Variants in PCDHGA3 observed in about 807,000 individuals in gnomAD.
The protein encoded by PCDHGA3 is protocadherin gamma subfamily A, 3.
A neutral mutation model predicts 58.5 loss-of-function variants in PCDHGA3; 40 were observed. The ratio of observed to expected loss-of-function variants is 0.68; its 90% CI spans 0.53 to 0.89. The LOEUF (loss-of-function observed/expected upper bound fraction) is 0.89, where lower values mean the gene tolerates loss of function less well. Ranked by LOEUF, PCDHGA3 falls within the 40% of genes least tolerant of loss-of-function variation. The pLI, the probability that PCDHGA3 is intolerant of heterozygous loss-of-function variation, is 0.00. For synonymous variants in PCDHGA3, 530 were observed against 525.7 expected (o/e 1.01, Z -0.11); for missense variants, 1,223 against 1,195.9 (o/e 1.02, Z -0.33).
intron 2 of PCDHGA3, among the ~76,000 whole-genome samples, chr5:141,501,061 G>T (rs746369272): frequency 1.5e-4 from 23 of 152,118 alleles, no homozygotes; most frequent in Non-Finnish European, 2.1e-4. Flanking sequence ...TAGAGACGGG[G>T]TTTCACCATG....
chr5:141,352,383 C>T (rs1758995476), intron 1 of PCDHGA3: 1 of 1,613,918 alleles, frequency 6.2e-7, no homozygotes, highest in Admixed American at 1.7e-5. Context: ...CTAGCGATCG[C>T]CCTGCGCCTG....
At chr5:141,346,508 T>C in intron 1 of PCDHGA3, 51 bp downstream of exon 1, 2 of 1,608,490 alleles carry the variant, frequency 1.2e-6, no homozygotes, top group Non-Finnish European at 1.7e-6. Flanking sequence ...AGAATGTGGT[T>C]ATTATAAAGC....
At chr5:141,421,844 A>C (rs1261967247) in intron 1 of PCDHGA3, 2 of 1,613,740 alleles carry the variant, frequency 1.2e-6, no homozygotes, top group East Asian at 4.5e-5. Context: ...CGAGAGAAAG[A>C]GGCTGCTCAC....
At chr5:141,424,746 T>TTA (rs1392854638) in intron 1 of PCDHGA3, 1 of 152,214 alleles carries the variant, frequency 6.6e-6, no homozygotes, top group Non-Finnish European at 1.5e-5. Flanking sequence ...CTTTCTTTCT[T>TTA]TATAAGGTCA....
At position 141,344,120 on chromosome 5, in the gene PCDHGA3, T is replaced by G. The variant is rs746958849; in HGVS notation, c.87T>G (p.Gly29=). The stretch of plus-strand genomic sequence containing the variant: ...GGACGCTGTGCGAAACAGGATCCGG[T>G]CAGATCCGCTACTCGGTGTCTGAGG... ...LLGTLCETGS[G]QIRYSVSEEL... is the part of the protein sequence containing the mutation. The change falls in exon 1 of 4, where the codon GGT becomes GGG. Residue 29 remains glycine (G), a synonymous_variant. Transcript: ENST00000253812. 6 of 1,613,896 alleles carry G rather than the reference T, an allele frequency of 3.7e-6. No individual in the cohort carries two copies. The highest frequency in any genetic ancestry group is 1.3e-5 in the African/African-American group (1 of 74,918).
chr5:141,421,871 C>CT, intron 1 of PCDHGA3: 1 of 1,613,756 alleles, frequency 6.2e-7, no homozygotes, highest in East Asian at 2.2e-5. Flanking sequence ...CTCCTCACAG[C>CT]TTTAGATGGA....
chr5:141,403,069 A>T (rs747569947), intron 1 of PCDHGA3: 10 of 1,613,954 alleles, frequency 6.2e-6, no homozygotes, highest in Non-Finnish European at 7.6e-6. Context: ...CTGAAGAGAC[A>T]GAAAAGGGCT....
chr5:141,409,659 A>C, intron 1 of PCDHGA3: 1 of 1,613,574 alleles, frequency 6.2e-7, no homozygotes, highest in Non-Finnish European at 8.5e-7. Flanking sequence ...CTCAATGGCC[A>C]CATCTCCTAC....
At chr5:141,397,216 T>C (rs772120141) in intron 1 of PCDHGA3, among the ~76,000 whole-genome samples, 32 of 152,186 alleles carry the variant, frequency 2.1e-4, no homozygotes, top group Non-Finnish European at 4.1e-4. Context: ...AGAGAAGTAT[T>C]TTGAGATATG....
intron 1 of PCDHGA3, chr5:141,372,194 C>T: frequency 6.2e-7 from 1 of 1,613,572 alleles, no homozygotes; most frequent in Non-Finnish European, 8.5e-7. Context: ...ACTCGGGATA[C>T]AACGCCTGGC....
chr5:141,475,885 A>T, intron 1 of PCDHGA3: 1 of 556,524 alleles, frequency 1.8e-6, no homozygotes, highest in Non-Finnish European at 3.2e-6. Flanking sequence ...ATTGGCTGGG[A>T]CTCTGTGTGC....
intron 1 of PCDHGA3, among the ~76,000 whole-genome samples, chr5:141,467,882 C>T (rs1278937609): frequency 6.6e-6 from 1 of 152,036 alleles, no homozygotes; most frequent in East Asian, 1.9e-4. Context: ...TGGTCTCAAA[C>T]TCCTGAGCTC....
At chr5:141,418,572 A>AC (rs752316020) in intron 1 of PCDHGA3, 2 of 1,613,794 alleles carry the variant, frequency 1.2e-6, no homozygotes, top group African/African-American at 1.3e-5. Context: ...GCCAATGACA[A>AC]CCCCCCAGTG....
At position 141,431,952 on chromosome 5, in the gene PCDHGA3, AC is replaced by A; in HGVS notation, c.2425-62854del. ...CTGCCCTTTAAATTAGAAAAATCTTACGGAAATTACTATAGTTTAGTCACAG... is the reference window on the plus strand; with the variant it reads ...CTGCCCTTTAAATTAGAAAAATCTTAGGAAATTACTATAGTTTAGTCACAG... On this transcript the variant is annotated intron_variant, in intron 1 of 3. Transcript: ENST00000253812. This position sits in a 1 kb window ranked among gnomAD's most constrained non-coding sequence, Gnocchi z 4.8. 1 of 1,614,166 alleles carries A rather than the reference AC, an allele frequency of 6.2e-7. No homozygotes were observed. The highest frequency in any genetic ancestry group is 1.1e-5 in the South Asian group (1 of 91,090).
At chr5:141,479,241 G>A (rs2099490987) in intron 1 of PCDHGA3, 1 of 152,174 alleles carries the variant, frequency 6.6e-6, no homozygotes, top group Non-Finnish European at 1.5e-5. Context: ...CAAACCCAAA[G>A]ATAACCATTT....
At chr5:141,394,549 C>T in intron 1 of PCDHGA3, 1 of 1,614,140 alleles carries the variant, frequency 6.2e-7, no homozygotes, top group Non-Finnish European at 8.5e-7. Flanking sequence ...GAGCTGGCGC[C>T]CCGCTCCGCA....
At chr5:141,373,229 A>C (rs941177727) in intron 1 of PCDHGA3, among the ~76,000 whole-genome samples, 5 of 152,240 alleles carry the variant, frequency 3.3e-5, no homozygotes, top group Non-Finnish European at 7.3e-5. Flanking sequence ...CCTGTATATA[A>C]TATTTTTACT....
chr5:141,400,524 G>T, intron 1 of PCDHGA3: 1 of 1,613,920 alleles, frequency 6.2e-7, no homozygotes, highest in Non-Finnish European at 8.5e-7. Flanking sequence ...ATCCTGAGTT[G>T]GTGAGTTTCA....
intron 1 of PCDHGA3, chr5:141,365,645 C>T (rs770859603): frequency 2.5e-6 from 4 of 1,613,454 alleles, no homozygotes; most frequent in Non-Finnish European, 3.4e-6. Flanking sequence ...AAGCCACATC[C>T]CCTTGAAAGT....
Sources: gnomAD v4.1 joint callset for allele counts (sites outside exome capture counted in the v4.1 genomes callset) on GRCh38, gnomAD v4.1.1 for gene constraint, Gnocchi (gnomAD v3.1) non-coding constraint, MANE v1.5 for transcripts, NCBI Gene and HGNC (gene_info 2026-07-23, HGNC 2026-07-21) for gene names.